The following CNR2 variants were observed in gnomAD, a reference collection of about 807,000 sequenced individuals.
The protein encoded by CNR2 is cannabinoid receptor 2.
For synonymous variants in CNR2, 172 were observed against 182.2 expected, an observed-to-expected ratio of 0.94 and a Z score of 0.45; for missense variants, 379 against 439.9, an observed-to-expected ratio of 0.86 and a Z score of 1.24.
At chr1:23,895,107 A>G (rs1480403362) in intron 1 of CNR2, among the ~76,000 whole-genome samples, 1 of 152,018 alleles carries the variant, frequency 6.6e-6, no homozygotes, top group Non-Finnish European at 1.5e-5. Context: ...CTATAATCCC[A>G]GCTACTTGGA....
chr1:23,913,030 A>G (rs1292042554), intron 1 of CNR2, among the ~76,000 whole-genome samples: 10 of 152,104 alleles, frequency 6.6e-5, no homozygotes, highest in South Asian at 2.1e-4. Context: ...AGCCAGACGC[A>G]GTAGTGCACA....
chr1:23,904,284 C>T (rs1640451639), intron 1 of CNR2, among the ~76,000 whole-genome samples: 3 of 151,430 alleles, frequency 2.0e-5, no homozygotes, highest in Admixed American at 6.6e-5. Flanking sequence ...GTGATTCTTC[C>T]GGCTCAGCCT....
In CNR2 at chr1:23,873,047, T is replaced by C. The variant is rs576955267; in HGVS notation, c.*1488A>G. 2.0e-5 allele frequency: 3 copies of C among 152,228 alleles called. No individual in the cohort carries two copies. The highest frequency in any genetic ancestry group is 4.4e-5 in the Non-Finnish European group (3 of 68,038). The allele number at this position is 152,228 out of a possible 1,614,324, so 9.4% of individuals were successfully genotyped here. ...ATAAGTGAATAGCTAGTGGATATTT[T>C]GTCTTGAAAGTATTAAACGAAGACA... On this transcript the variant is annotated 3_prime_UTR_variant, in exon 2 of 2. Transcript: ENST00000374472.
In CNR2 at chr1:23,874,676, C is replaced by T; in HGVS notation, c.942G>A (p.Leu314=). ...GEIRSSAHHC[L]AHWKKCVRGL... ...CCCTCACACACTTCTTCCAGTGAGC[C>T]AGGCAGTGATGGGCAGAGGAGCGGA... The change falls in exon 2 of 2, where the codon CTG becomes CTA. Residue 314 remains leucine, a synonymous_variant. Coordinates refer to ENST00000374472, the MANE Select transcript of CNR2 (RefSeq NM_001841.3). The T allele has an allele frequency of 6.2e-7, 1 of 1,614,124 alleles. No homozygotes were observed. Among genetic ancestry groups the T allele is most frequent in the South Asian group, 1.1e-5 (1 of 91,074 alleles).
At chr1:23,879,099 G>A (rs933148865) in intron 1 of CNR2, among the ~76,000 whole-genome samples, 4 of 152,144 alleles carry the variant, frequency 2.6e-5, no homozygotes, top group Non-Finnish European at 1.5e-5. Context: ...AAACAACAAT[G>A]ATAATAGTGA....
At chr1:23,910,654 C>CGGAAAAA (rs1640567486) in intron 1 of CNR2, among the ~76,000 whole-genome samples, 1 of 32,198 alleles carries the variant, frequency 3.1e-5, no homozygotes, top group Non-Finnish European at 4.8e-5. Flanking sequence ...AACGCTGTCT[C>CGGAAAAA]AAAAAAAAAA....
In CNR2 at chr1:23,873,066, G is replaced by A. The variant is rs187460286; in HGVS notation, c.*1469C>T. 4.6e-4 allele frequency: 70 copies of A among 152,184 alleles called. No individual in the cohort carries two copies. The highest frequency in any genetic ancestry group is 1.5e-3 in the African/African-American group (63 of 41,520). 9.4% of individuals were successfully genotyped at this position (152,184 alleles called of 1,614,324 possible). On this transcript the variant is annotated 3_prime_UTR_variant, in exon 2 of 2. Transcript: ENST00000374472. Reference sequence around the variant, plus strand: ...ATATTTTGTCTTGAAAGTATTAAACGAAGACATGTTTAACCAATATCTTTC... The same window carrying A: ...ATATTTTGTCTTGAAAGTATTAAACAAAGACATGTTTAACCAATATCTTTC...
intron 1 of CNR2, among the ~76,000 whole-genome samples, chr1:23,884,804 ATT>A (rs34296408): frequency 0.73 from 108,059 of 148,998 alleles, 39,788 homozygotes; most frequent in Middle Eastern, 0.8. Flanking sequence ...CTCAAAAACA[ATT>A]TTTTTTTTTT....
At chr1:23,879,400 A>G (rs950968716) in intron 1 of CNR2, among the ~76,000 whole-genome samples, 1 of 151,796 alleles carries the variant, frequency 6.6e-6, no homozygotes, top group African/African-American at 2.4e-5. Context: ...GGATTGCTTG[A>G]GCCCAGGAGT....
intron 1 of CNR2, among the ~76,000 whole-genome samples, chr1:23,898,176 G>T (rs139156571): frequency 0.095 from 13,851 of 145,356 alleles, 734 homozygotes; most frequent in South Asian, 0.22. Context: ...ACAGGCACCC[G>T]CCACCATGCC....
intron 1 of CNR2, among the ~76,000 whole-genome samples, chr1:23,889,371 C>G (rs1018538234): frequency 1.3e-5 from 2 of 152,304 alleles, no homozygotes; most frequent in African/African-American, 4.8e-5. Flanking sequence ...ATGCCACAAG[C>G]CTCACCGTTT....
chr1:23,873,811 G>A lies in CNR2; in HGVS notation c.*724C>T, dbSNP rs1056039160. The A allele has an allele frequency of 6.6e-6, 1 of 152,152 alleles. No homozygotes were observed. Among genetic ancestry groups the A allele is most frequent in the Admixed American group, 6.5e-5 (1 of 15,272 alleles). The allele number at this position is 152,152 out of a possible 1,614,324, so 9.4% of individuals were successfully genotyped here. A position where few individuals can be genotyped will look rare whatever the true frequency, so the allele number is the denominator to read the frequency against. On this transcript the variant is annotated 3_prime_UTR_variant, in exon 2 of 2. Coordinates refer to ENST00000374472, the MANE Select transcript of CNR2 (RefSeq NM_001841.3). ...TGCTTCCAGCAGCACCACCAGGACT[G>A]CTGCTGGAAGGACTTCAGAGGGTCA...
intron 1 of CNR2, among the ~76,000 whole-genome samples, chr1:23,904,499 A>G (rs1380730228): frequency 6.6e-6 from 1 of 152,146 alleles, no homozygotes; most frequent in Non-Finnish European, 1.5e-5. Flanking sequence ...AACAAGAACT[A>G]AAAGGCCTAT....
In CNR2 at chr1:23,902,282, G is replaced by A. The variant is rs879238928; in HGVS notation, c.-46+10964C>T. On this transcript the variant is annotated intron_variant, in intron 1 of 1. Transcript: ENST00000374472. Reference sequence around the variant, plus strand: ...TCTCACAGAAGCCTTGGGACCGCAGGGCCATCTCGGCCTGTGCGTCGATGA... The same window carrying A: ...TCTCACAGAAGCCTTGGGACCGCAGAGCCATCTCGGCCTGTGCGTCGATGA... 46 of 1,462,462 alleles carry A rather than the reference G, an allele frequency of 3.1e-5. No homozygotes were observed. The South Asian group carries it at 4.8e-4, about 15-fold the overall frequency. 90.6% of individuals were successfully genotyped at this position (1,462,462 alleles called of 1,614,324 possible).
intron 1 of CNR2, among the ~76,000 whole-genome samples, chr1:23,897,481 A>AGT (rs1553141971): frequency 1.3e-5 from 2 of 149,904 alleles, no homozygotes; most frequent in Non-Finnish European, 3.0e-5. Flanking sequence ...TGTTAATAGA[A>AGT]TTTTTTTTTT....
At chr1:23,883,480 A>G (rs1467999856) in intron 1 of CNR2, among the ~76,000 whole-genome samples, 1 of 152,250 alleles carries the variant, frequency 6.6e-6, no homozygotes, top group Admixed American at 6.5e-5. Context: ...ATACAGCCAT[A>G]CGAAGGAATA....
At chr1:23,911,177 G>C (rs1277780721) in intron 1 of CNR2, among the ~76,000 whole-genome samples, 1 of 149,552 alleles carries the variant, frequency 6.7e-6, no homozygotes, top group African/African-American at 2.5e-5. Flanking sequence ...GGGGAGAGAA[G>C]AGTGTCCATC....
intron 1 of CNR2, chr1:23,902,770 G>A (rs1471348574): frequency 5.4e-6 from 8 of 1,490,374 alleles, no homozygotes; most frequent in Non-Finnish European, 7.1e-6. Flanking sequence ...CCGGGTGGTT[G>A]TTGCCAAGTG....
rs910826601 is a variant in CNR2, at chr1:23,901,793, C to G, written c.-46+11453G>C. The G allele has an allele frequency of 2.6e-6, 4 of 1,554,492 alleles. No individual in the cohort carries two copies. The African/African-American group carries it at 5.4e-5, about 21-fold the overall frequency. On this transcript the variant is annotated intron_variant, in intron 1 of 1. Transcript: ENST00000374472. ...CACGCTGTACTCAGCCTTCCCAGAG[C>G]TGGACCCACACAGGCCTAGCCCCGC...
Sources: allele counts gnomAD v4.1 joint callset (sites outside exome capture counted in the v4.1 genomes callset), GRCh38; gene constraint gnomAD v4.1.1; transcripts MANE v1.5; gene names NCBI Gene and HGNC (gene_info 2026-07-23, HGNC 2026-07-21).